Variants in SLC35F3 observed in about 807,000 individuals in gnomAD.
The protein encoded by SLC35F3 is putative thiamine transporter SLC35F3.
SLC35F3 carries 25 observed loss-of-function variants against 49.9 expected under a neutral mutation model. The observed-to-expected ratio is 0.50, with a 90% CI of 0.37 to 0.70. The LOEUF is 0.70. Ranked by LOEUF, SLC35F3 falls within the 30% of genes least tolerant of loss-of-function variation. The probability of loss-of-function intolerance (pLI) is 0.00; values close to 1 mark genes in which losing one functional copy is unlikely to be tolerated. For synonymous variants in SLC35F3, 275 were observed against 265.4 expected (o/e 1.04, Z -0.35); for missense variants, 525 against 639.8 (o/e 0.82, Z 1.94).
intron 4 of SLC35F3, among the ~76,000 whole-genome samples, chr1:234,311,003 T>A (rs1162840377): frequency 6.6e-6 from 1 of 152,174 alleles, no homozygotes; most frequent in Non-Finnish European, 1.5e-5. Context: ...GATCACTGTG[T>A]ACTGAGCAAA....
chr1:234,023,212 C>T (rs933126904), intron 2 of SLC35F3, among the ~76,000 whole-genome samples: 7 of 152,240 alleles, frequency 4.6e-5, no homozygotes, highest in African/African-American at 1.7e-4. Context: ...CTAATACCTG[C>T]CCCAATAAGT....
intron 2 of SLC35F3, among the ~76,000 whole-genome samples, chr1:234,179,528 A>C (rs915048189): frequency 6.6e-6 from 1 of 152,192 alleles, no homozygotes; most frequent in Non-Finnish European, 1.5e-5. Flanking sequence ...TCGCATATTT[A>C]TTATCTCAAA....
chr1:234,269,780 ATTAG>A (rs1668068547), intron 3 of SLC35F3, among the ~76,000 whole-genome samples: 1 of 152,102 alleles, frequency 6.6e-6, no homozygotes, highest in South Asian at 2.1e-4. Flanking sequence ...TTCTCACCCT[ATTAG>A]TTCTCATAAG....
At chr1:234,314,085 G>C (rs1201564193) in intron 4 of SLC35F3, among the ~76,000 whole-genome samples, 1 of 152,190 alleles carries the variant, frequency 6.6e-6, no homozygotes, top group East Asian at 1.9e-4. Context: ...CACAGCCAGG[G>C]ATGTCAACAC....
chr1:234,285,136 G>A (rs1668400261), intron 3 of SLC35F3: 3 of 298,966 alleles, frequency 1.0e-5, no homozygotes, highest in Non-Finnish European at 6.4e-6. Context: ...AAGCAGCTCT[G>A]GGTTGACAAA....
intron 2 of SLC35F3, among the ~76,000 whole-genome samples, chr1:234,068,567 C>T (rs1211128706): frequency 6.6e-6 from 1 of 151,780 alleles, no homozygotes; most frequent in Non-Finnish European, 1.5e-5. Context: ...GTCCCTGAAA[C>T]AGAAGTAGGC....
chr1:234,313,097 G>A (rs1657399607), intron 4 of SLC35F3, among the ~76,000 whole-genome samples: 1 of 152,090 alleles, frequency 6.6e-6, no homozygotes, highest in Non-Finnish European at 1.5e-5. Flanking sequence ...GGCTGGTCTT[G>A]AACTTGTGGG....
chr1:234,313,611 G>T (rs6695848), intron 4 of SLC35F3, among the ~76,000 whole-genome samples: 5 of 151,914 alleles, frequency 3.3e-5, no homozygotes, highest in Admixed American at 1.3e-4. Flanking sequence ...TGAGGGCTGG[G>T]GGGGACAGGA....
chr1:234,145,161 A>G (rs1665978016), intron 2 of SLC35F3, among the ~76,000 whole-genome samples: 1 of 152,192 alleles, frequency 6.6e-6, no homozygotes, highest in Admixed American at 6.5e-5. Context: ...TCAGGGTGAT[A>G]CCAGTTTTGA....
intron 2 of SLC35F3, among the ~76,000 whole-genome samples, chr1:233,974,561 G>A (rs191009404): frequency 3.3e-4 from 51 of 152,292 alleles, no homozygotes; most frequent in Admixed American, 2.7e-3. Context: ...GCAAAGTCAA[G>A]TTTTCTCATA....
rs77423452 is a variant in SLC35F3, at chr1:234,276,567, G to A, written c.609-32534G>A. On this transcript the variant is annotated intron_variant, in intron 3 of 7. Coordinates refer to ENST00000366618, the MANE Select transcript of SLC35F3 (RefSeq NM_173508.4). ...TTCATGAAGATGGGAGCTGTGTCCTGTTGATCCATATCTATCACCAGGACC... is the reference window on the plus strand; with the variant it reads ...TTCATGAAGATGGGAGCTGTGTCCTATTGATCCATATCTATCACCAGGACC... Among the ~76,000 whole-genome samples the A allele has an allele frequency of 3.6e-3, 541 of 152,286 alleles. 4 individuals are homozygous for A. Among genetic ancestry groups the A allele is most frequent in the African/African-American group, 0.012 (502 of 41,540 alleles).
rs1373405963 is a variant in SLC35F3, at chr1:234,117,932, G to GTATATA, written c.284-113484_284-113483insATATAT. Among the ~76,000 whole-genome samples the GTATATA allele has an allele frequency of 4.2e-4, 22 of 51,800 alleles. 3 individuals carry two copies. In the East Asian group the frequency reaches 9.8e-3, roughly 23 times the overall value. The allele number at this position is 51,800 out of a possible 152,430, so 34.0% of individuals were successfully genotyped here. On this transcript the variant is annotated intron_variant, in intron 2 of 7. Coordinates refer to ENST00000366618, the MANE Select transcript of SLC35F3 (RefSeq NM_173508.4). The stretch of plus-strand genomic sequence containing the variant: ...TATATATGTGTGTGTGTGTGTGTGT[G>GTATATA]TGTGTGTGTGTGTGTGTGTGTGTGT...
At chr1:233,910,431 C>T (rs1166723885) in intron 2 of SLC35F3, among the ~76,000 whole-genome samples, 2 of 152,142 alleles carry the variant, frequency 1.3e-5, no homozygotes, top group African/African-American at 2.4e-5. Context: ...GGAACATCTG[C>T]GAATACTCCT....
chr1:234,268,842 C>CA (rs987178373), intron 3 of SLC35F3: 1 of 152,118 alleles, frequency 6.6e-6, no homozygotes, highest in Admixed American at 6.6e-5. Context: ...TAGTGTTAGA[C>CA]AAAAAAACTA....
chr1:234,143,131 T>C (rs1434385243), intron 2 of SLC35F3, among the ~76,000 whole-genome samples: 1 of 152,176 alleles, frequency 6.6e-6, no homozygotes, highest in Non-Finnish European at 1.5e-5. Context: ...TGCTGTACTT[T>C]AGACCTCTAG....
At chr1:234,139,549 T>G (rs934425299) in intron 2 of SLC35F3, among the ~76,000 whole-genome samples, 3 of 152,148 alleles carry the variant, frequency 2.0e-5, no homozygotes, top group Non-Finnish European at 4.4e-5. Context: ...TTCCCATGCG[T>G]AAAAAAGAAT....
chr1:234,160,229 A>T (rs1209652198), intron 2 of SLC35F3, among the ~76,000 whole-genome samples: 2 of 152,190 alleles, frequency 1.3e-5, no homozygotes, highest in Non-Finnish European at 2.9e-5. Context: ...TAACAATTTT[A>T]AAAATAGCAC....
chr1:234,067,057 C>T (rs747047352), intron 2 of SLC35F3, among the ~76,000 whole-genome samples: 1 of 152,114 alleles, frequency 6.6e-6, no homozygotes, highest in Non-Finnish European at 1.5e-5. Context: ...CTGTTCTACT[C>T]TGCTTTCTTA....
chr1:234,221,683 A>G (rs1667208703), intron 2 of SLC35F3, among the ~76,000 whole-genome samples: 1 of 152,210 alleles, frequency 6.6e-6, no homozygotes, highest in Admixed American at 6.5e-5. Flanking sequence ...TCCATTGGTT[A>G]AGACATCATG....
Sources: allele counts gnomAD v4.1 joint callset (sites outside exome capture counted in the v4.1 genomes callset), GRCh38; gene constraint gnomAD v4.1.1; transcripts MANE v1.5; gene names NCBI Gene and HGNC (gene_info 2026-07-23, HGNC 2026-07-21).